PITPNC1: variants seen among roughly 807,000 people sequenced by gnomAD.
PITPNC1 encodes the protein phosphatidylinositol transfer protein cytoplasmic 1, also known as cytoplasmic phosphatidylinositol transfer protein 1.
PITPNC1 carries 18 observed loss-of-function variants against 44.7 expected under a neutral mutation model. That is an observed-to-expected ratio of 0.40 (90% CI 0.28 to 0.60). The LOEUF is 0.60. Among genes scored for constraint, PITPNC1 ranks in the 20% least tolerant of loss-of-function variants. The pLI is 0.39. For synonymous variants in PITPNC1, 141 were observed against 149.6 expected (o/e 0.94, Z 0.42); for missense variants, 290 against 418.4 (o/e 0.69, Z 2.68).
At chr17:67,498,355 A>T (rs1432981589) in intron 1 of PITPNC1, among the ~76,000 whole-genome samples, 1 of 152,150 alleles carries the variant, frequency 6.6e-6, no homozygotes, top group African/African-American at 2.4e-5. Flanking sequence ...GCACTTTGGG[A>T]GGCCGAGGCG....
At chr17:67,518,861 T>TG (rs1239516415) in intron 1 of PITPNC1, among the ~76,000 whole-genome samples, 1 of 152,192 alleles carries the variant, frequency 6.6e-6, no homozygotes, top group Non-Finnish European at 1.5e-5. Context: ...GAGGATCACT[T>TG]GAGCCCAGGA....
intron 6 of PITPNC1, among the ~76,000 whole-genome samples, chr17:67,642,175 A>T (rs1035587379): frequency 6.6e-6 from 1 of 152,238 alleles, no homozygotes; most frequent in Non-Finnish European, 1.5e-5. Flanking sequence ...TCAGTGAGGC[A>T]CAAGGGAAAA....
intron 1 of PITPNC1, among the ~76,000 whole-genome samples, chr17:67,448,750 T>C (rs1303469787): frequency 6.6e-6 from 1 of 152,132 alleles, no homozygotes; most frequent in African/African-American, 2.4e-5. Flanking sequence ...CTTACTAGGC[T>C]GGAGAGGCAG....
At chr17:67,588,361 T>C (rs1037993670) in intron 5 of PITPNC1, among the ~76,000 whole-genome samples, 8 of 152,232 alleles carry the variant, frequency 5.3e-5, no homozygotes, top group Non-Finnish European at 1.0e-4. Flanking sequence ...TTTCACTTTC[T>C]GCAGTTTTAG....
intron 1 of PITPNC1, among the ~76,000 whole-genome samples, chr17:67,516,768 G>A (rs543174621): frequency 1.3e-5 from 2 of 152,224 alleles, no homozygotes; most frequent in East Asian, 3.9e-4. Context: ...ACAGGCGCCC[G>A]CCACCACGCC....
chr17:67,390,571 T>C (rs1057072999), intron 1 of PITPNC1, among the ~76,000 whole-genome samples: 3 of 152,220 alleles, frequency 2.0e-5, no homozygotes, highest in African/African-American at 7.2e-5. Context: ...CTTTGCCTTA[T>C]TGATGTTTGT....
intron 1 of PITPNC1, among the ~76,000 whole-genome samples, chr17:67,506,942 T>G (rs1420968426): frequency 6.6e-6 from 1 of 152,224 alleles, no homozygotes; most frequent in Non-Finnish European, 1.5e-5. Flanking sequence ...GGATTTGTTT[T>G]TTTAAAAAAG....
At chr17:67,395,778 A>AT (rs1182625416) in intron 1 of PITPNC1, among the ~76,000 whole-genome samples, 3 of 152,104 alleles carry the variant, frequency 2.0e-5, no homozygotes, top group Admixed American at 6.6e-5. Flanking sequence ...TATAAATGTG[A>AT]TTTTTTAAAT....
intron 2 of PITPNC1, among the ~76,000 whole-genome samples, chr17:67,547,009 T>C (rs994577753): frequency 1.3e-5 from 2 of 152,158 alleles, no homozygotes; most frequent in Non-Finnish European, 2.9e-5. Flanking sequence ...ATCAAACAGA[T>C]GTCAATTGCC....
Position 67,575,613 on chromosome 17 carries a change from C to T in PITPNC1, c.295-2573C>T, listed in dbSNP as rs149802056. Among the ~76,000 whole-genome samples the T allele has an allele frequency of 3.9e-3, 590 of 152,046 alleles. 5 individuals carry two copies. Among genetic ancestry groups the T allele is most frequent in the African/African-American group, 0.012 (515 of 41,462 alleles). ...GGTCTCAGCTGGGCTGAAAGGGGAGCGTGGTCATTGTGCGGCTGAAGCATG... is the reference window on the plus strand; with the variant it reads ...GGTCTCAGCTGGGCTGAAAGGGGAGTGTGGTCATTGTGCGGCTGAAGCATG... On this transcript the variant is annotated intron_variant, in intron 4 of 8. Transcript: ENST00000581322.
intron 5 of PITPNC1, among the ~76,000 whole-genome samples, chr17:67,614,180 G>T: frequency 6.6e-6 from 1 of 151,836 alleles, no homozygotes; most frequent in East Asian, 1.9e-4. Flanking sequence ...CGCTGGCAGG[G>T]TACTTCCCAG....
At chr17:67,439,735 G>A (rs778953220) in intron 1 of PITPNC1, among the ~76,000 whole-genome samples, 4 of 151,826 alleles carry the variant, frequency 2.6e-5, no homozygotes, top group Non-Finnish European at 4.4e-5. Flanking sequence ...CTTATTTTTT[G>A]TTGATGAGAT....
chr17:67,496,631 T>A (rs1568014276), intron 1 of PITPNC1, among the ~76,000 whole-genome samples: 1 of 152,100 alleles, frequency 6.6e-6, no homozygotes, highest in South Asian at 2.1e-4. Flanking sequence ...GAGGTATGAT[T>A]AATCCTGGAA....
intron 8 of PITPNC1, 83 bp downstream of exon 8, chr17:67,675,625 T>C: frequency 1.1e-6 from 1 of 897,982 alleles, no homozygotes. Context: ...AACTGCTACC[T>C]AGAAGGACAA....
At chr17:67,403,218 C>CAAAAA (rs34768084) in intron 1 of PITPNC1, among the ~76,000 whole-genome samples, 9,617 of 68,500 alleles carry the variant, frequency 0.14, 1,918 homozygotes, top group Middle Eastern at 0.29. Context: ...CTCATCTCTA[C>CAAAAA]AAAAAAAAAA....
chr17:67,684,586 G>GT (rs1232864502), intron 8 of PITPNC1, among the ~76,000 whole-genome samples: 1 of 151,640 alleles, frequency 6.6e-6, no homozygotes, highest in Admixed American at 6.6e-5. Flanking sequence ...TCCTTTCAGT[G>GT]TTTTTTTAAT....
intron 8 of PITPNC1, among the ~76,000 whole-genome samples, chr17:67,688,362 A>T (rs1437430035): frequency 6.7e-6 from 1 of 150,292 alleles, no homozygotes; most frequent in Admixed American, 6.7e-5. Context: ...TCAATGCTGT[A>T]GTTCTAGGAA....
chr17:67,446,869 T>A (rs998202619), intron 1 of PITPNC1, among the ~76,000 whole-genome samples: 10 of 151,606 alleles, frequency 6.6e-5, no homozygotes, highest in African/African-American at 2.4e-4. Context: ...GTGGGTGGAT[T>A]ACTTGAGGTC....
intron 6 of PITPNC1, among the ~76,000 whole-genome samples, chr17:67,669,135 T>C (rs2042470819): frequency 6.6e-6 from 1 of 152,180 alleles, no homozygotes. Flanking sequence ...AGATGGAGTT[T>C]CGCTCTTGTT....
Sources: gnomAD v4.1 joint callset for allele counts (sites outside exome capture counted in the v4.1 genomes callset) on GRCh38, gnomAD v4.1.1 for gene constraint, MANE v1.5 for transcripts, NCBI Gene and HGNC (gene_info 2026-07-23, HGNC 2026-07-21) for gene names.